Variants in BRD10 observed in about 807,000 individuals in gnomAD.
BRD10 encodes the protein uncharacterized bromodomain-containing protein 10.
the BRD10 span, among the ~76,000 whole-genome samples, chr9:5,935,996 G>C: frequency 6.6e-6 from 1 of 151,944 alleles, no homozygotes; most frequent in Admixed American, 6.6e-5. Flanking sequence ...TTATGAACGA[G>C]TTATTTTGTT....
chr9:5,879,702 T>A, the BRD10 span, among the ~76,000 whole-genome samples: 1 of 152,126 alleles, frequency 6.6e-6, no homozygotes, highest in South Asian at 2.1e-4. Flanking sequence ...CAGGGATGAC[T>A]CACTGGAAGG....
the BRD10 span, among the ~76,000 whole-genome samples, chr9:5,880,383 G>T: frequency 6.6e-6 from 1 of 151,892 alleles, no homozygotes; most frequent in Non-Finnish European, 1.5e-5. Flanking sequence ...GTCATGGCAC[G>T]CGCCTGTAAT....
chr9:5,908,592 C>T, the BRD10 span: 1 of 1,481,620 alleles, frequency 6.7e-7, no homozygotes, highest in Non-Finnish European at 9.4e-7. Flanking sequence ...TTCCTAGAAA[C>T]ACATACACTG....
the BRD10 span, among the ~76,000 whole-genome samples, chr9:5,954,719 G>C: frequency 2.0e-5 from 3 of 152,168 alleles, 1 homozygote; most frequent in Admixed American, 2.0e-4. Flanking sequence ...CTCATACTTA[G>C]AGCCAATTCA....
the BRD10 span, among the ~76,000 whole-genome samples, chr9:5,941,422 G>C: frequency 6.6e-6 from 1 of 152,082 alleles, no homozygotes; most frequent in Non-Finnish European, 1.5e-5. Flanking sequence ...AAAAACTAAA[G>C]GGCTTTGTCA....
chr9:5,913,750 C>A, the BRD10 span: 2 of 184,874 alleles, frequency 1.1e-5, no homozygotes, highest in Non-Finnish European at 1.1e-5. Flanking sequence ...TGAAAAAATA[C>A]ATTGATGCTG....
the BRD10 span, among the ~76,000 whole-genome samples, chr9:6,006,468 C>T: frequency 6.6e-6 from 1 of 152,184 alleles, no homozygotes; most frequent in East Asian, 1.9e-4. Flanking sequence ...TAAAACAATA[C>T]ATTCATTTTA....
the BRD10 span, among the ~76,000 whole-genome samples, chr9:5,985,755 A>C: frequency 1.3e-5 from 2 of 151,394 alleles, no homozygotes; most frequent in African/African-American, 2.4e-5. Flanking sequence ...ACTGCACTCC[A>C]GCCTGGGCAA....
chr9:6,002,321 A>C, the BRD10 span, among the ~76,000 whole-genome samples: 1 of 152,200 alleles, frequency 6.6e-6, no homozygotes, highest in Non-Finnish European at 1.5e-5. Context: ...TTTTTAAAGA[A>C]TGGCTACTAT....
the BRD10 span, among the ~76,000 whole-genome samples, chr9:5,971,749 G>C: frequency 6.6e-6 from 1 of 151,986 alleles, no homozygotes; most frequent in African/African-American, 2.4e-5. Context: ...ACTGAATGAG[G>C]ATGGTAGTGG....
chr9:5,929,878 G>C, the BRD10 span, among the ~76,000 whole-genome samples: 1 of 152,016 alleles, frequency 6.6e-6, no homozygotes, highest in Non-Finnish European at 1.5e-5. Flanking sequence ...CTTGCTTAAG[G>C]TCCTATAACT....
At chr9:5,959,019 T>G in the BRD10 span, among the ~76,000 whole-genome samples, 4 of 152,236 alleles carry the variant, frequency 2.6e-5, no homozygotes, top group African/African-American at 9.6e-5. Flanking sequence ...TAAGCAAATT[T>G]CTTATCATAC....
the BRD10 span, among the ~76,000 whole-genome samples, chr9:5,965,858 AAAG>A: frequency 1.3e-5 from 2 of 152,330 alleles, no homozygotes; most frequent in Admixed American, 6.5e-5. Context: ...CACACCTAAT[AAAG>A]AAGAACAGGG....
the BRD10 span, chr9:5,922,654 A>T: frequency 6.2e-7 from 1 of 1,613,934 alleles, no homozygotes; most frequent in Non-Finnish European, 8.5e-7. Flanking sequence ...TTCCTTCTTT[A>T]TGCTGAATCA....
At chr9:5,903,832 T>G in the BRD10 span, among the ~76,000 whole-genome samples, 2 of 152,196 alleles carry the variant, frequency 1.3e-5, no homozygotes, top group Non-Finnish European at 1.5e-5. Flanking sequence ...TTCATTAGTG[T>G]TAGCATGGTA....
At chr9:5,929,895 C>G in the BRD10 span, among the ~76,000 whole-genome samples, 3 of 152,096 alleles carry the variant, frequency 2.0e-5, no homozygotes, top group Non-Finnish European at 4.4e-5. Flanking sequence ...AACTTAAACC[C>G]GTATCTGCCT....
the BRD10 span, among the ~76,000 whole-genome samples, chr9:5,991,242 T>A: frequency 6.6e-6 from 1 of 152,230 alleles, no homozygotes; most frequent in South Asian, 2.1e-4. Flanking sequence ...ATATGTGTAT[T>A]AGTTTTCATA....
the BRD10 span, among the ~76,000 whole-genome samples, chr9:5,961,652 G>A: frequency 6.6e-6 from 1 of 152,106 alleles, no homozygotes; most frequent in African/African-American, 2.4e-5. Flanking sequence ...GATCAAGCAT[G>A]AGATAATGGA....
At chr9:5,991,763 T>C in the BRD10 span, among the ~76,000 whole-genome samples, 1 of 145,916 alleles carries the variant, frequency 6.9e-6, no homozygotes, top group Non-Finnish European at 1.5e-5. Flanking sequence ...CAGATGCCAC[T>C]ACCTTGCTCT....
Sources: gnomAD v4.1 joint callset for allele counts (sites outside exome capture counted in the v4.1 genomes callset) on GRCh38, gnomAD v4.1.1 for gene constraint, MANE v1.5 for transcripts, NCBI Gene and HGNC (gene_info 2026-07-23, HGNC 2026-07-21) for gene names.